The following CCNY variants were observed in gnomAD, a reference collection of about 807,000 sequenced individuals.
CCNY encodes cyclin-Y.
Under a neutral mutation model 42.8 loss-of-function variants are expected in CCNY, and 19 were observed. The ratio of observed to expected loss-of-function variants is 0.44; its 90% confidence interval spans 0.31 to 0.65. The LOEUF is 0.65. CCNY is among the 30% of genes least tolerant of loss of function. CCNY has a pLI of 0.07. For missense variants in CCNY, 370 were observed against 437.3 expected, an observed-to-expected ratio of 0.85 and a Z score of 1.37; for synonymous variants, 165 against 162.7, an observed-to-expected ratio of 1.01 and a Z score of -0.11.
chr10:35,451,655 G>T (rs1023788243), intron 1 of CCNY, among the ~76,000 whole-genome samples: 1 of 152,226 alleles, frequency 6.6e-6, no homozygotes, highest in Non-Finnish European at 1.5e-5. Context: ...GGCGGGTTGA[G>T]AATGGACACC....
At chr10:35,389,439 C>CTTTTTT (rs1365155125) in intron 1 of CCNY, among the ~76,000 whole-genome samples, 1 of 120,552 alleles carries the variant, frequency 8.3e-6, no homozygotes, top group Non-Finnish European at 1.8e-5. Context: ...GAAAACTGTG[C>CTTTTTT]TTTTTTTTTT....
intron 3 of CCNY, among the ~76,000 whole-genome samples, chr10:35,252,247 G>A (rs1031411091): frequency 6.6e-6 from 1 of 152,076 alleles, no homozygotes; most frequent in Non-Finnish European, 1.5e-5. Context: ...CTCCTCAACA[G>A]CACAGTTAAA....
chr10:35,308,888 C>T (rs566363072), intron 3 of CCNY, among the ~76,000 whole-genome samples: 18 of 152,142 alleles, frequency 1.2e-4, no homozygotes, highest in Admixed American at 4.6e-4. Flanking sequence ...GCTTGGATGA[C>T]GATGGTCAAT....
intron 3 of CCNY, among the ~76,000 whole-genome samples, chr10:35,324,141 T>C (rs571354691): frequency 4.5e-4 from 68 of 152,272 alleles, no homozygotes; most frequent in African/African-American, 1.6e-3. Context: ...TCAATTCCTT[T>C]AAGAAGCCTC....
chr10:35,330,428 C>T (rs111374708), intron 3 of CCNY, among the ~76,000 whole-genome samples: 1,546 of 152,280 alleles, frequency 0.01, 24 homozygotes, highest in African/African-American at 0.035. Context: ...GCCAAGTACA[C>T]ATGATAGCCC....
chr10:35,549,723 C>T (rs1841206461), intron 7 of CCNY, among the ~76,000 whole-genome samples: 1 of 146,784 alleles, frequency 6.8e-6, no homozygotes, highest in Non-Finnish European at 1.5e-5. Context: ...GCTTGTGACC[C>T]TGCGCTGCTC....
At chr10:35,266,901 C>T (rs544203823) in intron 3 of CCNY, among the ~76,000 whole-genome samples, 4 of 151,406 alleles carry the variant, frequency 2.6e-5, no homozygotes, top group Admixed American at 6.6e-5. Context: ...CTGGCCAACA[C>T]GGTGAAACCC....
intron 1 of CCNY, among the ~76,000 whole-genome samples, chr10:35,351,043 C>T (rs1458739147): frequency 1.3e-5 from 2 of 152,170 alleles, no homozygotes; most frequent in East Asian, 3.8e-4. Flanking sequence ...TCAACTCTTG[C>T]CCTGTCCATA....
intron 3 of CCNY, among the ~76,000 whole-genome samples, chr10:35,504,877 TCCA>T (rs1026717252): frequency 1.5e-4 from 23 of 152,272 alleles, no homozygotes; most frequent in African/African-American, 5.1e-4. Context: ...CCTCAGGTGA[TCCA>T]CCCGCCTTAG....
At chr10:35,556,523 A>G (rs1156295162) in intron 8 of CCNY, among the ~76,000 whole-genome samples, 2 of 152,154 alleles carry the variant, frequency 1.3e-5, no homozygotes, top group African/African-American at 4.8e-5. Context: ...ACCACACTAT[A>G]AGACTCTATA....
chr10:35,348,445 C>G (rs1012155447), intron 1 of CCNY, among the ~76,000 whole-genome samples: 3 of 152,230 alleles, frequency 2.0e-5, no homozygotes. Context: ...GGGCACATAT[C>G]TTAAGCACCG....
At chr10:35,539,844 A>G (rs1362158437) in intron 7 of CCNY, among the ~76,000 whole-genome samples, 3 of 152,192 alleles carry the variant, frequency 2.0e-5, no homozygotes, top group Non-Finnish European at 4.4e-5. Flanking sequence ...ATGCTGTTAT[A>G]AATTGAATTG....
chr10:35,335,668 C>G (rs568269633), upstream of CCNY, among the ~76,000 whole-genome samples: 258 of 152,054 alleles, frequency 1.7e-3, 1 homozygote, highest in Non-Finnish European at 2.5e-3. Context: ...GCCCGGGTTA[C>G]GAAGCGAGAT....
chr10:35,378,120 T>C (rs1281497978), intron 1 of CCNY, among the ~76,000 whole-genome samples: 1 of 152,392 alleles, frequency 6.6e-6, no homozygotes, highest in Admixed American at 6.5e-5. Flanking sequence ...ATCTGTCTTA[T>C]ACTTTAAATG....
At chr10:35,282,075 C>G (rs1835304007) in intron 3 of CCNY, among the ~76,000 whole-genome samples, 1 of 148,252 alleles carries the variant, frequency 6.7e-6, no homozygotes, top group African/African-American at 2.5e-5. Context: ...TCATTACCTA[C>G]TCCTCATTCT....
At chr10:35,449,945 G>T (rs759163955) in intron 1 of CCNY, 13 of 226,550 alleles carry the variant, frequency 5.7e-5, no homozygotes, top group Non-Finnish European at 8.8e-5. Context: ...CAGTCAGCAG[G>T]ATTCTGCATC....
At chr10:35,563,165 C>A (rs1044898719) in intron 8 of CCNY, among the ~76,000 whole-genome samples, 2 of 151,984 alleles carry the variant, frequency 1.3e-5, no homozygotes, top group African/African-American at 4.8e-5. Context: ...TTTGGAAATT[C>A]AAGTTTTGGA....
chr10:35,567,972 A>G (rs1841605042), intron 9 of CCNY, among the ~76,000 whole-genome samples: 1 of 152,190 alleles, frequency 6.6e-6, no homozygotes, highest in African/African-American at 2.4e-5. Context: ...TGTGAGGTAG[A>G]ATCTGGCTTT....
chr10:35,448,391 G>T (rs1006268337), intron 1 of CCNY, among the ~76,000 whole-genome samples: 4 of 152,158 alleles, frequency 2.6e-5, no homozygotes, highest in African/African-American at 9.7e-5. Context: ...ATTACTTGCC[G>T]TGTGACTTTG....
Sources: allele counts gnomAD v4.1 joint callset (sites outside exome capture counted in the v4.1 genomes callset), GRCh38; gene constraint gnomAD v4.1.1; transcripts MANE v1.5; gene names NCBI Gene and HGNC (gene_info 2026-07-23, HGNC 2026-07-21).